PI4K2A: variants seen among roughly 807,000 people sequenced by gnomAD.
PI4K2A encodes phosphatidylinositol 4-kinase type 2 alpha.
In PI4K2A, 20 loss-of-function variants were observed where a neutral mutation model predicts 55.0. That is an observed-to-expected ratio of 0.36 (90% CI 0.26 to 0.53). The LOEUF is 0.53. Ranked by LOEUF, PI4K2A falls within the 20% of genes least tolerant of loss-of-function variation. PI4K2A has a pLI of 0.91. For missense variants in PI4K2A, 463 were observed against 637.1 expected (o/e 0.73, Z 2.94); for synonymous variants, 235 against 258.5 (o/e 0.91, Z 0.87).
chr10:97,671,955 G>A (rs2041637575), intron 8 of PI4K2A, among the ~76,000 whole-genome samples: 1 of 151,176 alleles, frequency 6.6e-6, no homozygotes, highest in South Asian at 2.1e-4. Flanking sequence ...CGCCCAGCCA[G>A]CTTTTTACAT....
intron 4 of PI4K2A, 42 bp downstream of exon 4, chr10:97,657,016 G>T (rs2041558317): frequency 1.2e-6 from 2 of 1,607,180 alleles, no homozygotes; most frequent in Non-Finnish European, 1.7e-6. Context: ...GCCAGACTGT[G>T]TTGAGGCATG....
chr10:97,661,475 A>G (rs571985390), intron 4 of PI4K2A, among the ~76,000 whole-genome samples: 1 of 151,826 alleles, frequency 6.6e-6, no homozygotes, highest in African/African-American at 2.4e-5. Context: ...TGGCTTGTTG[A>G]AATTATGATA....
At chr10:97,653,087 T>C (rs2041537214) in intron 2 of PI4K2A, among the ~76,000 whole-genome samples, 1 of 152,236 alleles carries the variant, frequency 6.6e-6, no homozygotes, top group African/African-American at 2.4e-5. Context: ...TTAATGTTCT[T>C]AAGTCTCCTA....
chr10:97,669,815 T>G (rs1482265781), intron 8 of PI4K2A, among the ~76,000 whole-genome samples: 8 of 151,364 alleles, frequency 5.3e-5, no homozygotes, highest in Admixed American at 2.7e-4. Context: ...AGGGACACAG[T>G]CAGGTGATAG....
chr10:97,641,498 C>G (rs563093349), intron 1 of PI4K2A, among the ~76,000 whole-genome samples: 13 of 152,318 alleles, frequency 8.5e-5, no homozygotes, highest in African/African-American at 2.9e-4. Context: ...TAGCTTCACA[C>G]TACTGGGACA....
At chr10:97,666,966 G>A in intron 7 of PI4K2A, 95 bp from the exon 8 acceptor site, 1 of 927,654 alleles carries the variant, frequency 1.1e-6, no homozygotes, top group South Asian at 1.4e-5. Context: ...GCCTTATGCA[G>A]GTTTTCCTTC....
In PI4K2A at chr10:97,656,236, G is replaced by A; in HGVS notation, c.637-49G>A. ...ATTTATTCTCTGCCATAGTCTTCTGGTTCCTTAAACTTGACTCTAACCTTA... is the reference window on the plus strand; with the variant it reads ...ATTTATTCTCTGCCATAGTCTTCTGATTCCTTAAACTTGACTCTAACCTTA... On this transcript the variant is annotated intron_variant, in intron 2 of 8. Transcript: ENST00000370631. This position sits in a 1 kb window ranked among gnomAD's most constrained non-coding sequence, Gnocchi z 4.5. 6.6e-7 allele frequency: 1 copy of A among 1,526,348 alleles called. No individual in the cohort carries two copies. The highest frequency in any genetic ancestry group is 1.1e-5 in the South Asian group (1 of 88,346). 94.6% of individuals were successfully genotyped at this position (1,526,348 alleles called of 1,614,324 possible).
chr10:97,642,098 T>C (rs1156238143), intron 1 of PI4K2A, among the ~76,000 whole-genome samples: 1 of 152,124 alleles, frequency 6.6e-6, no homozygotes, highest in African/African-American at 2.4e-5. Flanking sequence ...GAAAGATGTA[T>C]TGTTATTTAA....
chr10:97,646,291 T>C (rs2041504658), intron 1 of PI4K2A, among the ~76,000 whole-genome samples: 1 of 151,496 alleles, frequency 6.6e-6, no homozygotes, highest in Non-Finnish European at 1.5e-5. Flanking sequence ...CTCGACTCAC[T>C]GCAACCTCTG....
At position 97,656,966 on chromosome 10, in the gene PI4K2A, G is replaced by A. The variant is rs1298748190; in HGVS notation, c.914G>A (p.Arg305His). 2 of 1,614,140 alleles carry A rather than the reference G, an allele frequency of 1.2e-6. No homozygotes were observed. Among genetic ancestry groups the A allele is most frequent in the Admixed American group, 1.7e-5 (1 of 60,026 alleles). Residue 305 changes from arginine to histidine, a missense_variant, in exon 4 of 9, where the codon CGC becomes CAC. By Grantham distance (29) the Arg-to-His change is conservative. This residue lies in a region of PI4K2A where 277 missense variants were observed against 432.6 expected (regional missense o/e 0.64). Coordinates refer to ENST00000370631, the Ensembl canonical transcript of PI4K2A. This position sits in a 1 kb window ranked among gnomAD's most constrained non-coding sequence, Gnocchi z 4.5. Reference sequence around the variant, plus strand: ...TTGGTGGTGCTGGATTACATCATCCGCAACACTGGTGAGCAGCTGCAGGTG... The same window carrying A: ...TTGGTGGTGCTGGATTACATCATCCACAACACTGGTGAGCAGCTGCAGGTG...
At chr10:97,652,696 CTA>C (rs1311162412) in intron 2 of PI4K2A, among the ~76,000 whole-genome samples, 2 of 152,146 alleles carry the variant, frequency 1.3e-5, no homozygotes, top group Admixed American at 1.3e-4. Flanking sequence ...GAAAATGTGA[CTA>C]TTGTGGATAT....
chr10:97,642,898 T>C (rs2041484560), intron 1 of PI4K2A, among the ~76,000 whole-genome samples: 1 of 135,558 alleles, frequency 7.4e-6, no homozygotes, highest in African/African-American at 2.9e-5. Context: ...CCTTCCTTCC[T>C]TCCTTCCTTC....
At chr10:97,655,706 C>G (rs2041551376) in intron 2 of PI4K2A, among the ~76,000 whole-genome samples, 1 of 151,892 alleles carries the variant, frequency 6.6e-6, no homozygotes, top group African/African-American at 2.4e-5. Context: ...TCCGAAGTAT[C>G]TAGGATTACA....
At chr10:97,663,516 CTTTTTTTTT>C (rs34921397) in intron 5 of PI4K2A, among the ~76,000 whole-genome samples, 2 of 141,782 alleles carry the variant, frequency 1.4e-5, no homozygotes, top group African/African-American at 5.2e-5. Flanking sequence ...TCTTTTCTTT[CTTTTTTTTT>C]TTTTTAAGAA....
At chr10:97,651,060 C>G in exon 2 of PI4K2A, 1 of 1,614,120 alleles carries the variant, frequency 6.2e-7, no homozygotes. Context: ...ACTGCCTTGT[C>G]CTTAACCAGG....
At chr10:97,654,354 G>A (rs2041542621) in intron 2 of PI4K2A, among the ~76,000 whole-genome samples, 1 of 152,064 alleles carries the variant, frequency 6.6e-6, no homozygotes, top group African/African-American at 2.4e-5. Context: ...TTTCTGATTT[G>A]TAAGGCAGGG....
chr10:97,641,910 T>G (rs1156543622), intron 1 of PI4K2A, among the ~76,000 whole-genome samples: 1 of 152,106 alleles, frequency 6.6e-6, no homozygotes, highest in Non-Finnish European at 1.5e-5. Flanking sequence ...CCGACCTTTA[T>G]TTTGTCCCCT....
intron 2 of PI4K2A, among the ~76,000 whole-genome samples, chr10:97,655,398 T>C (rs2041548727): frequency 6.6e-6 from 1 of 151,450 alleles, no homozygotes; most frequent in South Asian, 2.1e-4. Flanking sequence ...AAATTTTTTT[T>C]CAAAAGGAAA....
At chr10:97,669,435 T>C (rs2041625327) in intron 8 of PI4K2A, among the ~76,000 whole-genome samples, 1 of 150,622 alleles carries the variant, frequency 6.6e-6, no homozygotes, top group South Asian at 2.1e-4. Flanking sequence ...CTTCTCCCAT[T>C]ACTCAGATAG....
Sources: allele counts gnomAD v4.1 joint callset (sites outside exome capture counted in the v4.1 genomes callset), GRCh38; gene constraint gnomAD v4.1.1; regional missense constraint gnomAD v4.1.1; non-coding constraint Gnocchi (gnomAD v3.1); transcripts MANE v1.5; gene names NCBI Gene and HGNC (gene_info 2026-07-23, HGNC 2026-07-21).